Variants in SLC26A7 observed in about 807,000 individuals in gnomAD.
The protein encoded by SLC26A7 is anion exchange transporter.
A neutral mutation model predicts 82.5 loss-of-function variants in SLC26A7; 59 were observed. That is an observed-to-expected ratio of 0.72 (90% CI 0.58 to 0.89). The LOEUF (loss-of-function observed/expected upper bound fraction) is 0.89. Among genes scored for constraint, SLC26A7 ranks in the 40% least tolerant of loss-of-function variants. The probability of loss-of-function intolerance (pLI) is 0.00; values close to 1 mark genes in which losing one functional copy is unlikely to be tolerated. For missense variants in SLC26A7, 820 were observed against 793.0 expected, an observed-to-expected ratio of 1.03 and a Z score of -0.41; for synonymous variants, 271 against 274.3, an observed-to-expected ratio of 0.99 and a Z score of 0.12.
intron 3 of SLC26A7, among the ~76,000 whole-genome samples, chr8:91,292,730 A>G (rs1811906899): frequency 6.6e-6 from 1 of 151,688 alleles, no homozygotes; most frequent in East Asian, 1.9e-4. Flanking sequence ...AATTTAAAAT[A>G]GGTTTTTTTT....
intron 4 of SLC26A7, among the ~76,000 whole-genome samples, chr8:91,309,766 G>T (rs1424709380): frequency 6.6e-6 from 1 of 152,116 alleles, no homozygotes; most frequent in Admixed American, 6.5e-5. Flanking sequence ...TTATATGCTG[G>T]CATACTTCTG....
At chr8:91,337,897 T>A (rs1251250050) in intron 6 of SLC26A7, among the ~76,000 whole-genome samples, 2 of 152,184 alleles carry the variant, frequency 1.3e-5, no homozygotes, top group African/African-American at 4.8e-5. Context: ...CATAATTGGG[T>A]TGACCACGGT....
upstream of SLC26A7, among the ~76,000 whole-genome samples, chr8:91,246,487 C>T (rs372792876): frequency 1.2e-4 from 18 of 152,016 alleles, no homozygotes; most frequent in South Asian, 2.1e-3. Flanking sequence ...GGGAAAGTTT[C>T]GTGGAAGAGG....
At chr8:91,319,300 A>G (rs561041055) in intron 5 of SLC26A7, among the ~76,000 whole-genome samples, 2 of 152,332 alleles carry the variant, frequency 1.3e-5, no homozygotes, top group Admixed American at 6.5e-5. Context: ...TCAAAGGGGT[A>G]TAAATTTCAA....
chr8:91,338,114 T>C (rs768750815), intron 6 of SLC26A7, 36 bp from the exon 7 acceptor site: 4 of 1,503,004 alleles, frequency 2.7e-6, no homozygotes, highest in Non-Finnish European at 3.6e-6. Context: ...GTCAGTAATG[T>C]ATATATTTTT....
At chr8:91,358,329 CTTTT>C (rs71273702) in intron 11 of SLC26A7, among the ~76,000 whole-genome samples, 4 of 133,336 alleles carry the variant, frequency 3.0e-5, no homozygotes, top group Admixed American at 7.6e-5. Flanking sequence ...TTTTCTTTTT[CTTTT>C]TTTTTTTTTT....
intron 4 of SLC26A7, among the ~76,000 whole-genome samples, chr8:91,298,722 A>G (rs959776252): frequency 3.9e-5 from 6 of 152,156 alleles, no homozygotes; most frequent in Admixed American, 2.6e-4. Flanking sequence ...TTATAGCAAG[A>G]TGGGACTGTA....
At chr8:91,234,827 A>ACCTACTTCCTTCCCTCCTTCCTTC (rs1386380375) in intron 2 of SLC26A7, among the ~76,000 whole-genome samples, 1 of 92,494 alleles carries the variant, frequency 1.1e-5, no homozygotes, top group South Asian at 4.2e-4. Context: ...CTACCTACCT[A>ACCTACTTCCTTCCCTCCTTCCTTC]CTTCCTTCCT....
intron 2 of SLC26A7, among the ~76,000 whole-genome samples, chr8:91,255,659 A>G (rs1810781738): frequency 6.6e-6 from 1 of 151,998 alleles, no homozygotes; most frequent in Admixed American, 6.6e-5. Context: ...ATTTCCCCTC[A>G]TCCCATGACC....
chr8:91,257,628 A>T (rs1006124726), intron 2 of SLC26A7, among the ~76,000 whole-genome samples: 1 of 152,198 alleles, frequency 6.6e-6, no homozygotes, highest in Non-Finnish European at 1.5e-5. Context: ...AAAAAAATAA[A>T]AAAAAAACAC....
At chr8:91,275,323 G>T (rs1324041563) in intron 2 of SLC26A7, among the ~76,000 whole-genome samples, 1 of 152,158 alleles carries the variant, frequency 6.6e-6, no homozygotes, top group African/African-American at 2.4e-5. Flanking sequence ...TTTTGAGACA[G>T]TGTCTTGCTT....
chr8:91,353,397 A>G lies in SLC26A7; in HGVS notation c.1314+401A>G, dbSNP rs149418936. Among the ~76,000 whole-genome samples, 820 of 152,298 alleles carry G rather than the reference A, an allele frequency of 5.4e-3. 7 individuals are homozygous for G. The highest frequency in any genetic ancestry group is 0.018 in the African/African-American group (765 of 41,590). Reference sequence around the variant, plus strand: ...CACTAAGAATGCACGCTGCGCGCATATAGGGTGAACCTCTTAATGGTGACC... The same window carrying G: ...CACTAAGAATGCACGCTGCGCGCATGTAGGGTGAACCTCTTAATGGTGACC... On this transcript the variant is annotated intron_variant, in intron 11 of 18. Coordinates refer to ENST00000276609, the MANE Select transcript of SLC26A7 (RefSeq NM_052832.4).
At position 91,393,922 on chromosome 8, in the gene SLC26A7, G is replaced by T. The variant is rs879491578; in HGVS notation, c.1832-14G>T. ...TTCCACATGTATTCTTATATCACTT[G>T]TGCTTTCTTGAAGCTTCCTTGATAA... is the stretch of plus-strand genomic sequence containing the variant. On this transcript the variant is annotated splice_polypyrimidine_tract_variant and intron_variant, in intron 17 of 18. Transcript: ENST00000276609. 11 of 1,612,908 alleles carry T rather than the reference G, an allele frequency of 6.8e-6. No individual in the cohort carries two copies. The highest frequency in any genetic ancestry group is 3.3e-5 in the Admixed American group (2 of 59,978).
At chr8:91,255,697 A>G (rs1168023114) in intron 2 of SLC26A7, among the ~76,000 whole-genome samples, 1 of 152,080 alleles carries the variant, frequency 6.6e-6, no homozygotes, top group Non-Finnish European at 1.5e-5. Flanking sequence ...TCCAAGCTTC[A>G]TTCGGTACTT....
intron 6 of SLC26A7, among the ~76,000 whole-genome samples, 169 bp from the exon 7 acceptor site, chr8:91,337,981 A>G (rs1335994837): frequency 1.3e-5 from 2 of 152,130 alleles, no homozygotes; most frequent in African/African-American, 4.8e-5. Context: ...AAACTGAGGG[A>G]CTTTTTGACT....
At chr8:91,269,644 G>A (rs759872601) in intron 2 of SLC26A7, among the ~76,000 whole-genome samples, 16 of 152,168 alleles carry the variant, frequency 1.1e-4, no homozygotes, top group Non-Finnish European at 2.2e-4. Flanking sequence ...CAAGGTTCCC[G>A]TTCCTGGATG....
intron 1 of SLC26A7, among the ~76,000 whole-genome samples, chr8:91,211,156 G>A (rs1278937640): frequency 2.0e-5 from 3 of 151,988 alleles, no homozygotes; most frequent in African/African-American, 7.2e-5. Flanking sequence ...ACATTGATAG[G>A]CAAAAGCCAT....
At chr8:91,220,702 A>C (rs1164067465) in intron 2 of SLC26A7, among the ~76,000 whole-genome samples, 1 of 152,204 alleles carries the variant, frequency 6.6e-6, no homozygotes, top group African/African-American at 2.4e-5. Context: ...TTATGGCTGC[A>C]TAGTATTCCA....
intron 2 of SLC26A7, among the ~76,000 whole-genome samples, chr8:91,278,073 G>A (rs1333332171): frequency 6.6e-6 from 1 of 152,170 alleles, no homozygotes; most frequent in Non-Finnish European, 1.5e-5. Flanking sequence ...CCATCTTTCA[G>A]TGGCAGGGGG....
Sources: allele counts gnomAD v4.1 joint callset (sites outside exome capture counted in the v4.1 genomes callset), GRCh38; gene constraint gnomAD v4.1.1; transcripts MANE v1.5; gene names NCBI Gene and HGNC (gene_info 2026-07-23, HGNC 2026-07-21).